Variants in ESRRB observed in about 807,000 individuals in gnomAD.
ESRRB encodes the protein steroid hormone receptor ERR2.
A neutral mutation model predicts 46.0 loss-of-function variants in ESRRB; 16 were observed. The observed-to-expected ratio is 0.35, with a 90% confidence interval of 0.24 to 0.53. The LOEUF (loss-of-function observed/expected upper bound fraction) is 0.53, where lower values mean the gene tolerates loss of function less well. ESRRB is among the 20% of genes least tolerant of loss of function. The pLI is 0.93. For missense variants in ESRRB, 488 were observed against 607.4 expected, an observed-to-expected ratio of 0.80 and a Z score of 2.07; for synonymous variants, 246 against 259.6, an observed-to-expected ratio of 0.95 and a Z score of 0.50.
Position 76,376,401 on chromosome 14 carries a change from G to T in ESRRB, c.-1G>T. 3 of 1,231,736 alleles carry T rather than the reference G, an allele frequency of 2.4e-6. No homozygotes were observed. Among genetic ancestry groups the T allele is most frequent in the Non-Finnish European group, 3.0e-6 (3 of 987,996 alleles). 76.3% of individuals were successfully genotyped at this position (1,231,736 alleles called of 1,614,324 possible). ...CAACTGGGAATGCTAAAACGGGACT[G>T]ATGGACGTGTCCGAACTCTGCATCC... On this transcript the variant is annotated 5_prime_UTR_variant, in exon 1 of 7. Coordinates refer to ENST00000644823, the MANE Select transcript of ESRRB (RefSeq NM_001379180.1). This position sits in a 1 kb window ranked among gnomAD's most constrained non-coding sequence, Gnocchi z 4.1.
At chr14:76,315,677 A>G (rs1400792256) in intron 1 of ESRRB, among the ~76,000 whole-genome samples, 1 of 152,204 alleles carries the variant, frequency 6.6e-6, no homozygotes, top group Non-Finnish European at 1.5e-5. Flanking sequence ...ATGTCACACC[A>G]TTAAAGACAG....
chr14:76,319,037 C>T (rs1486294145), intron 1 of ESRRB, among the ~76,000 whole-genome samples: 1 of 152,206 alleles, frequency 6.6e-6, no homozygotes, highest in Non-Finnish European at 1.5e-5. Flanking sequence ...CCTGTCTGGG[C>T]TTTGGGGTGA....
chr14:76,355,789 G>A (rs544606406), intron 1 of ESRRB, among the ~76,000 whole-genome samples: 34 of 152,244 alleles, frequency 2.2e-4, no homozygotes, highest in East Asian at 7.7e-4. Context: ...GGAATCATTC[G>A]ATGTTAGTTC....
At chr14:76,433,430 C>T (rs182264481) in intron 1 of ESRRB, among the ~76,000 whole-genome samples, 88 of 152,236 alleles carry the variant, frequency 5.8e-4, no homozygotes, top group Admixed American at 1.8e-3. Flanking sequence ...TGGGAGGTAT[C>T]GATACCTAAT....
chr14:76,436,672 C>A (rs1218007740), intron 1 of ESRRB, among the ~76,000 whole-genome samples: 1 of 152,144 alleles, frequency 6.6e-6, no homozygotes, highest in African/African-American at 2.4e-5. Flanking sequence ...CAGCTGATGG[C>A]CTGCCAGGCT....
chr14:76,408,229 C>T (rs186513907), intron 1 of ESRRB, among the ~76,000 whole-genome samples: 6 of 152,236 alleles, frequency 3.9e-5, no homozygotes, highest in Admixed American at 2.6e-4. Flanking sequence ...GCACCTTCTA[C>T]GAAGACACAA....
chr14:76,326,508 A>G (rs1362386809), intron 1 of ESRRB, among the ~76,000 whole-genome samples: 1 of 152,232 alleles, frequency 6.6e-6, no homozygotes, highest in Non-Finnish European at 1.5e-5. Flanking sequence ...TCTAAGGACT[A>G]AAGTAGATGA....
chr14:76,414,657 T>A (rs1272993818), intron 1 of ESRRB, among the ~76,000 whole-genome samples: 1 of 139,346 alleles, frequency 7.2e-6, no homozygotes, highest in African/African-American at 2.8e-5. Context: ...CTGCTGTTTT[T>A]GTTTGTTCCT....
chr14:76,436,811 A>G (rs876564), intron 1 of ESRRB, among the ~76,000 whole-genome samples: 60,992 of 151,926 alleles, frequency 0.4, 12,646 homozygotes, highest in East Asian at 0.51. Flanking sequence ...CTTATAGGAG[A>G]GTGTCTCCGA....
rs574123990 is a variant in ESRRB, at chr14:76,391,837, C to T, written c.50+15386C>T. 2.0e-5 allele frequency among the ~76,000 whole-genome samples: 3 copies of T among 152,264 alleles called. No individual in the cohort carries two copies. The East Asian group carries it at 5.8e-4, about 29-fold the overall frequency. On this transcript the variant is annotated intron_variant, in intron 1 of 6. Coordinates refer to ENST00000644823, the MANE Select transcript of ESRRB (RefSeq NM_001379180.1). ...GTTGAGGAGGTGGGTGGGGTCTGAACTTAGTTTTTCTAATTCACAACAAGC... is the reference window on the plus strand; with the variant it reads ...GTTGAGGAGGTGGGTGGGGTCTGAATTTAGTTTTTCTAATTCACAACAAGC...
At chr14:76,396,121 C>T (rs141820753) in intron 1 of ESRRB, among the ~76,000 whole-genome samples, 3 of 152,124 alleles carry the variant, frequency 2.0e-5, no homozygotes, top group Non-Finnish European at 4.4e-5. Context: ...TGCAGTGAAC[C>T]GAGATCACGC....
At chr14:76,385,193 T>C (rs1885171634) in intron 1 of ESRRB, among the ~76,000 whole-genome samples, 1 of 147,522 alleles carries the variant, frequency 6.8e-6, no homozygotes, top group African/African-American at 2.5e-5. Flanking sequence ...ATGTTCTTAC[T>C]CATAGTTTCT....
At chr14:76,420,758 G>T (rs1886921664) in intron 1 of ESRRB, among the ~76,000 whole-genome samples, 2 of 152,076 alleles carry the variant, frequency 1.3e-5, no homozygotes, top group Non-Finnish European at 2.9e-5. Flanking sequence ...TTCAAAAAGG[G>T]GTCCCCTGGA....
intron 1 of ESRRB, among the ~76,000 whole-genome samples, chr14:76,342,030 A>T (rs1884197505): frequency 6.6e-6 from 1 of 152,218 alleles, no homozygotes; most frequent in Non-Finnish European, 1.5e-5. Flanking sequence ...GAGGAACTTC[A>T]GAATGCTAGG....
Position 76,489,445 on chromosome 14 carries a change from C to CCACACACACACACACACACACACA in ESRRB, c.851-1990_851-1967dup, listed in dbSNP as rs56091857. Among the ~76,000 whole-genome samples, 727 of 129,624 alleles carry CCACACACACACACACACACACACA rather than the reference C, an allele frequency of 5.6e-3. 10 individuals are homozygous for CCACACACACACACACACACACACA. Among genetic ancestry groups the CCACACACACACACACACACACACA allele is most frequent in the East Asian group, 0.033 (130 of 3,956 alleles). The allele number at this position is 129,624 out of a possible 152,430, so 85.0% of individuals were successfully genotyped here. On this transcript the variant is annotated intron_variant, in intron 5 of 6. Coordinates refer to ENST00000644823, the MANE Select transcript of ESRRB (RefSeq NM_001379180.1). ...TCTCCCATGCAGGGAATCTGGACAA[C>CCACACACACACACACACACACACA]CACACACACACACACACACACACAC...
upstream of ESRRB, among the ~76,000 whole-genome samples, chr14:76,375,200 C>T (rs1053485611): frequency 1.1e-4 from 16 of 151,672 alleles, no homozygotes; most frequent in African/African-American, 3.4e-4. Flanking sequence ...GATTATTATC[C>T]CTGTGGCTGG....
At chr14:76,428,302 G>T (rs1595107580) in intron 1 of ESRRB, among the ~76,000 whole-genome samples, 1 of 151,884 alleles carries the variant, frequency 6.6e-6, no homozygotes, top group African/African-American at 2.4e-5. Flanking sequence ...CCAGCCATGA[G>T]GTAGGATATT....
intron 1 of ESRRB, among the ~76,000 whole-genome samples, chr14:76,322,697 A>G (rs958919171): frequency 6.6e-6 from 1 of 152,162 alleles, no homozygotes; most frequent in African/African-American, 2.4e-5. Context: ...GGCTGTCCCA[A>G]GCTTACTCCA....
chr14:76,482,230 A>C lies in ESRRB; in HGVS notation c.688+104A>C, dbSNP rs1015378985. ...CTTCCCACCACTGGGTCATGAGACA[A>C]TGTGGATCTTGGGGAGGTGACATCA... On this transcript the variant is annotated intron_variant, in intron 4 of 6. Transcript: ENST00000644823. The surrounding 1 kb of genome is among the most constrained non-coding windows in gnomAD (Gnocchi z 4.3). 2 of 884,226 alleles carry C rather than the reference A, an allele frequency of 2.3e-6. No homozygotes were observed. Among genetic ancestry groups the C allele is most frequent in the Non-Finnish European group, 3.7e-6 (2 of 540,050 alleles). The allele number at this position is 884,226 out of a possible 1,614,324, so 54.8% of individuals were successfully genotyped here. A position where few individuals can be genotyped will look rare whatever the true frequency, so the allele number is the denominator to read the frequency against.
Sources: allele counts gnomAD v4.1 joint callset (sites outside exome capture counted in the v4.1 genomes callset), GRCh38; gene constraint gnomAD v4.1.1; non-coding constraint Gnocchi (gnomAD v3.1); transcripts MANE v1.5; gene names NCBI Gene and HGNC (gene_info 2026-07-23, HGNC 2026-07-21).